Variants in INSC observed in about 807,000 individuals in gnomAD.
INSC encodes INSC spindle orientation adaptor protein, also known as protein inscuteable homolog.
A neutral mutation model predicts 58.6 loss-of-function variants in INSC; 67 were observed. The ratio of observed to expected loss-of-function variants is 1.14; its 90% confidence interval spans 0.94 to 1.40. The LOEUF (loss-of-function observed/expected upper bound fraction) is 1.40, where lower values mean the gene tolerates loss of function less well. Ranked by LOEUF, INSC falls within the 40% of genes most tolerant of loss-of-function variation. The pLI is 0.00. For missense variants in INSC, 714 were observed against 692.0 expected, an observed-to-expected ratio of 1.03 and a Z score of -0.36; for synonymous variants, 262 against 276.1, an observed-to-expected ratio of 0.95 and a Z score of 0.51.
intron 9 of INSC, among the ~76,000 whole-genome samples, chr11:15,229,990 T>TATATATATATATA (rs1851833152): frequency 3.6e-5 from 1 of 27,640 alleles, no homozygotes; most frequent in Non-Finnish European, 5.9e-5. Context: ...TATATATATA[T>TATATATATATATA]ATATATATAT....
chr11:15,199,742 T>G (rs1259440965), intron 6 of INSC, among the ~76,000 whole-genome samples: 1 of 152,284 alleles, frequency 6.6e-6, no homozygotes, highest in East Asian at 1.9e-4. Flanking sequence ...AGGGACCCAG[T>G]TCAGATCAGT....
the INSC span, among the ~76,000 whole-genome samples, chr11:15,263,940 C>T: frequency 2.0e-5 from 3 of 150,516 alleles, no homozygotes; most frequent in Non-Finnish European, 4.4e-5. Context: ...AAATTCTTCT[C>T]ATGCTTGGAA....
chr11:15,116,808 TC>T (rs1156506266), intron 1 of INSC, among the ~76,000 whole-genome samples: 1 of 20,998 alleles, frequency 4.8e-5, no homozygotes, highest in African/African-American at 2.9e-4. Context: ...TTCTTTCTTT[TC>T]TTTCTTTCTT....
In INSC at chr11:15,230,013, A is replaced by AT. The variant is rs1491490993; in HGVS notation, c.1170+4185_1170+4186insT. 2.9e-3 allele frequency among the ~76,000 whole-genome samples: 68 copies of AT among 23,822 alleles called. 1 individual carries two copies. The highest frequency in any genetic ancestry group is 5.4e-3 in the African/African-American group (31 of 5,738). 15.6% of individuals were successfully genotyped at this position (23,822 alleles called of 152,430 possible). On this transcript the variant is annotated intron_variant, in intron 9 of 12. Coordinates refer to ENST00000379556, the MANE Select transcript of INSC (RefSeq NM_001042536.3). ...TATATATATATATATATATATATAT[A>AT]ATATATATATATATATATATATATA...
In INSC at chr11:15,198,479, G is replaced by A. The variant is rs1240326441; in HGVS notation, c.694-2345G>A. On this transcript the variant is annotated intron_variant, in intron 6 of 12. Coordinates refer to ENST00000379556, the MANE Select transcript of INSC (RefSeq NM_001042536.3). ...GCTCAGTGCCTCCTGAGCCAAAGGA[G>A]GCTGCCACATTCATCCTGGCTCAGG... 3.9e-5 allele frequency among the ~76,000 whole-genome samples: 6 copies of A among 152,158 alleles called. No individual in the cohort carries two copies. The East Asian group carries it at 7.7e-4, about 20-fold the overall frequency.
At chr11:15,131,759 A>C (rs974229978) in intron 1 of INSC, among the ~76,000 whole-genome samples, 20 of 152,146 alleles carry the variant, frequency 1.3e-4, no homozygotes, top group Non-Finnish European at 2.5e-4. Context: ...ATACATTAGC[A>C]TCAGATTTCT....
intron 2 of INSC, among the ~76,000 whole-genome samples, chr11:15,156,695 T>G (rs112287275): frequency 1.3e-5 from 2 of 152,330 alleles, no homozygotes; most frequent in African/African-American, 4.8e-5. Context: ...ATCTGTAGAA[T>G]GGGGATGGCA....
intron 1 of INSC, among the ~76,000 whole-genome samples, chr11:15,135,646 G>A (rs1448394632): frequency 6.6e-6 from 1 of 152,210 alleles, no homozygotes; most frequent in African/African-American, 2.4e-5. Flanking sequence ...CACATAGGAT[G>A]TGAGCTGTGA....
intron 1 of INSC, among the ~76,000 whole-genome samples, chr11:15,138,317 G>A (rs1268234678): frequency 2.0e-5 from 3 of 152,178 alleles, no homozygotes; most frequent in Non-Finnish European, 2.9e-5. Context: ...ACATACTACT[G>A]GAAAATTGGC....
chr11:15,126,287 G>A (rs756281927), intron 1 of INSC, among the ~76,000 whole-genome samples: 116 of 152,316 alleles, frequency 7.6e-4, no homozygotes, highest in Non-Finnish European at 1.4e-3. Flanking sequence ...AGTACTTCTG[G>A]GGCAGCTCCT....
At chr11:15,243,213 T>C (rs1018834892) in intron 12 of INSC, among the ~76,000 whole-genome samples, 8 of 152,184 alleles carry the variant, frequency 5.3e-5, no homozygotes, top group African/African-American at 1.9e-4. Context: ...GGTCTCCTGG[T>C]TGGTGAGATT....
chr11:15,233,554 G>A (rs1308479724), intron 9 of INSC, among the ~76,000 whole-genome samples: 1 of 152,192 alleles, frequency 6.6e-6, no homozygotes, highest in Non-Finnish European at 1.5e-5. Flanking sequence ...TACAGGCTCT[G>A]TAAAGAGGAA....
At chr11:15,135,157 C>A (rs1226629883) in intron 1 of INSC, among the ~76,000 whole-genome samples, 1 of 152,016 alleles carries the variant, frequency 6.6e-6, no homozygotes, top group South Asian at 2.1e-4. Context: ...GTGCCATGAC[C>A]AATGCATAGA....
At chr11:15,219,926 T>G (rs1017666423) in intron 7 of INSC, among the ~76,000 whole-genome samples, 1 of 152,140 alleles carries the variant, frequency 6.6e-6, no homozygotes, top group African/African-American at 2.4e-5. Context: ...GGCCTGTTAG[T>G]TAAACACCTG....
upstream of INSC, among the ~76,000 whole-genome samples, chr11:15,113,143 T>TTCTTTCTTTCTTTCTCTC: frequency 2.4e-3 from 239 of 98,672 alleles, 10 homozygotes; most frequent in East Asian, 7.3e-3. Context: ...CTTTCTTTCT[T>TTCTTTCTTTCTTTCTCTC]TCTGTCTCTC....
Position 15,188,357 on chromosome 11 carries a change from G to A in INSC, c.580-2344G>A, listed in dbSNP as rs946217995. ...CAGGTGAGGTCCTGCCTACATTAAA[G>A]GAGATGGATTTCCTGACCTTCAAAA... On this transcript the variant is annotated intron_variant, in intron 5 of 12. Coordinates refer to ENST00000379556, the MANE Select transcript of INSC (RefSeq NM_001042536.3). 11 of 985,318 alleles carry A rather than the reference G, an allele frequency of 1.1e-5. No individual in the cohort carries two copies. In the Admixed American group the frequency reaches 6.1e-4, roughly 55 times the overall value. The allele number at this position is 985,318 out of a possible 1,614,324, so 61.0% of individuals were successfully genotyped here. A position where few individuals can be genotyped will look rare whatever the true frequency, so the allele number is the denominator to read the frequency against.
intron 2 of INSC, among the ~76,000 whole-genome samples, chr11:15,167,450 A>G (rs1039896672): frequency 1.3e-5 from 2 of 152,016 alleles, no homozygotes; most frequent in Non-Finnish European, 2.9e-5. Context: ...ATCTCTATAA[A>G]TAACAGTTAT....
chr11:15,237,230 G>C (rs1852165726), intron 10 of INSC, among the ~76,000 whole-genome samples: 2 of 152,190 alleles, frequency 1.3e-5, no homozygotes, highest in South Asian at 4.1e-4. Context: ...CTTAACAAAA[G>C]TGACATATGA....
Position 15,150,823 on chromosome 11 carries a change from A to T in INSC, c.56+1593A>T, listed in dbSNP as rs138317684. Among the ~76,000 whole-genome samples the T allele has an allele frequency of 1.6e-4, 25 of 152,312 alleles. No individual in the cohort carries two copies. In the East Asian group the frequency reaches 4.4e-3, roughly 27 times the overall value. On this transcript the variant is annotated intron_variant, in intron 2 of 12. Coordinates refer to ENST00000379556, the MANE Select transcript of INSC (RefSeq NM_001042536.3). ...CAAAAGAACAAAACTCTACTCTTGG[A>T]ATCTCTTATGTGGGGCTAAGTGGTT...
Sources: gnomAD v4.1 joint callset for allele counts (sites outside exome capture counted in the v4.1 genomes callset) on GRCh38, gnomAD v4.1.1 for gene constraint, MANE v1.5 for transcripts, NCBI Gene and HGNC (gene_info 2026-07-23, HGNC 2026-07-21) for gene names.